STOML1: variants seen among roughly 807,000 people sequenced by gnomAD.
The protein encoded by STOML1 is stomatin-like protein 1.
Under a neutral mutation model 35.7 loss-of-function variants are expected in STOML1, and 27 were observed. That is an observed-to-expected ratio of 0.76 (90% confidence interval 0.56 to 1.04). STOML1 has a LOEUF of 1.04. STOML1 is among the 50% of genes least tolerant of loss of function. The pLI is 0.00. For synonymous variants in STOML1, 219 were observed against 227.9 expected, an observed-to-expected ratio of 0.96 and a Z score of 0.35; for missense variants, 451 against 527.1, an observed-to-expected ratio of 0.86 and a Z score of 1.41.
Position 73,979,286 on chromosome 15 carries a change from AG to A in STOML1, c.*4650del, listed in dbSNP as rs2068934537. ...ATGGGAATGTTTTGTATTTGATTGT[AG>A]GGGGTGGTGGTTACTCAGGTGTTCA... is the stretch of plus-strand genomic sequence containing the variant. On this transcript the variant is annotated 3_prime_UTR_variant, in exon 7 of 7. Coordinates refer to ENST00000541638, the MANE Select transcript of STOML1 (RefSeq NM_004809.5). The A allele has an allele frequency of 6.6e-6, 1 of 152,206 alleles. No homozygotes were observed. Among genetic ancestry groups the A allele is most frequent in the African/African-American group, 2.4e-5 (1 of 41,460 alleles). The allele number at this position is 152,206 out of a possible 1,614,324, so 9.4% of individuals were successfully genotyped here. A position where few individuals can be genotyped will look rare whatever the true frequency, so the allele number is the denominator to read the frequency against.
chr15:73,993,817 C>T (rs375941585), upstream of STOML1, among the ~76,000 whole-genome samples: 32 of 152,186 alleles, frequency 2.1e-4, no homozygotes, highest in South Asian at 1.0e-3. Context: ...TTTCCATTGG[C>T]GAAGACCTAG....
intron 2 of STOML1, chr15:73,990,045 C>A (rs1233315388): frequency 3.7e-6 from 1 of 270,194 alleles, no homozygotes; most frequent in East Asian, 8.5e-5. Flanking sequence ...CTAATTTATT[C>A]TAACCCAAAG....
chr15:73,991,354 G>T (rs560781742), intron 1 of STOML1, among the ~76,000 whole-genome samples: 20 of 152,210 alleles, frequency 1.3e-4, no homozygotes, highest in African/African-American at 4.8e-4. Context: ...GGAAGCAGTC[G>T]GGAGCCCTGC....
chr15:73,988,550 G>C lies in STOML1; in HGVS notation c.594+49C>G. 6.2e-7 allele frequency: 1 copy of C among 1,606,808 alleles called. No individual in the cohort carries two copies. Reference sequence around the variant, plus strand: ...TTCTCAAAGTGACCTGGCAGGTGGAGCCAGGCCGGTGCCACCCCTCAAGCT... The same window carrying C: ...TTCTCAAAGTGACCTGGCAGGTGGACCCAGGCCGGTGCCACCCCTCAAGCT... On this transcript the variant is annotated intron_variant, in intron 4 of 6. Coordinates refer to ENST00000541638, the MANE Select transcript of STOML1 (RefSeq NM_004809.5). The surrounding 1 kb of genome is among the most constrained non-coding windows in gnomAD (Gnocchi z 4.8).
At chr15:73,985,707 G>A in intron 4 of STOML1, 194 bp from the exon 5 acceptor site, 1 of 628,534 alleles carries the variant, frequency 1.6e-6, no homozygotes, top group South Asian at 2.5e-5. Flanking sequence ...CAAGGCCTGT[G>A]GTGAGCCCCC....
Position 73,992,269 on chromosome 15 carries a change from C to G in STOML1, c.-46G>C, listed in dbSNP as rs769811250. 1.9e-6 allele frequency: 3 copies of G among 1,564,384 alleles called. No individual in the cohort carries two copies. In the East Asian group the frequency reaches 7.7e-5, roughly 40 times the overall value. Reference sequence around the variant, plus strand: ...CCCCGCGCCTCCGCGCGGCGCCCTCCCTGGCCAGTGGGCCCTACGCGGCCC... The same window carrying G: ...CCCCGCGCCTCCGCGCGGCGCCCTCGCTGGCCAGTGGGCCCTACGCGGCCC... On this transcript the variant is annotated 5_prime_UTR_variant, in exon 1 of 7. Coordinates refer to ENST00000541638, the MANE Select transcript of STOML1 (RefSeq NM_004809.5).
rs2068996882 is a variant in STOML1, at chr15:73,983,746, C to T, written c.*191G>A. The T allele has an allele frequency of 3.4e-6, 2 of 592,918 alleles. No individual in the cohort carries two copies. The highest frequency in any genetic ancestry group is 6.2e-5 in the Admixed American group (2 of 32,284). 36.7% of individuals were successfully genotyped at this position (592,918 alleles called of 1,614,324 possible). ...GATGGACAAAGCCTTGTCCAGAGAA[C>T]CACTGTAGGGGAGACGTGCATGGCA... On this transcript the variant is annotated 3_prime_UTR_variant, in exon 7 of 7. Transcript: ENST00000541638.
In STOML1 at chr15:73,984,697, C is replaced by T; in HGVS notation, c.965G>A (p.Ser322Asn). The change falls in exon 6 of 7, where the codon AGC (serine) becomes AAC (asparagine). Residue 322 changes from serine (S) to asparagine (N), a missense_variant. Physicochemically the swap from Ser to Asn is conservative, Grantham distance 46. Transcript: ENST00000541638. ...ACYQFNVVLP[S>N]GTQSAYFLDL... ...CAGGAAGTAGGCGCTTTGGGTGCCG[C>T]TGGGCAGGACGACATTGAACTGGTA... is the stretch of plus-strand genomic sequence containing the variant. The T allele has an allele frequency of 6.2e-7, 1 of 1,614,138 alleles. No individual in the cohort carries two copies. The highest frequency in any genetic ancestry group is 8.5e-7 in the Non-Finnish European group (1 of 1,180,032).
chr15:73,985,374 T>G lies in STOML1; in HGVS notation c.734A>C (p.His245Pro). ...LDSTLQQLAL[H>P]FLGGSMNSMA... ...TGAGTTCATGCTTCCTCCCAGGAAGTGCAGGGCCAGCTGCTGGAGGGTGCT... is the reference window on the plus strand; with the variant it reads ...TGAGTTCATGCTTCCTCCCAGGAAGGGCAGGGCCAGCTGCTGGAGGGTGCT... Residue 245 changes from histidine to proline, a missense_variant, in exon 5 of 7, where the codon CAC becomes CCC. Coordinates refer to ENST00000541638, the MANE Select transcript of STOML1 (RefSeq NM_004809.5). 6.4e-7 allele frequency: 1 copy of G among 1,559,872 alleles called. No homozygotes were observed. Among genetic ancestry groups the G allele is most frequent in the East Asian group, 2.4e-5 (1 of 42,170 alleles).
chr15:73,990,147 A>G (rs2069224709), intron 2 of STOML1: 2 of 552,630 alleles, frequency 3.6e-6, no homozygotes, highest in Admixed American at 3.2e-5. Context: ...TCTACCCCCT[A>G]CTGGCTCCCA....
upstream of STOML1, chr15:73,994,547 T>G: frequency 1.8e-6 from 1 of 553,678 alleles, no homozygotes; most frequent in Non-Finnish European, 3.3e-6. Flanking sequence ...CTCTCCCGCT[T>G]TACCGTAAGT....
chr15:73,991,540 G>T, intron 1 of STOML1: 1 of 455,956 alleles, frequency 2.2e-6, no homozygotes, highest in Non-Finnish European at 4.4e-6. Flanking sequence ...GCTGAACAGC[G>T]TGGGATCTGG....
chr15:73,990,491 T>G (rs766719342), intron 1 of STOML1, 34 bp from the exon 2 acceptor site: 1 of 1,501,276 alleles, frequency 6.7e-7, no homozygotes, highest in Admixed American at 1.9e-5. Context: ...CAACTGGACC[T>G]GCACGACAGC....
At chr15:73,992,327 G>T (rs1434384989), upstream of STOML1, 2 of 1,309,976 alleles carry the variant, frequency 1.5e-6, no homozygotes, top group Middle Eastern at 2.8e-4. Context: ...GGCTTCACCC[G>T]CGCGGCCACC....
At position 73,983,657 on chromosome 15, in the gene STOML1, T is replaced by C. The variant is rs2068994854; in HGVS notation, c.*280A>G. 2.7e-6 allele frequency: 1 copy of C among 372,598 alleles called. No individual in the cohort carries two copies. Among genetic ancestry groups the C allele is most frequent in the Non-Finnish European group, 4.9e-6 (1 of 205,810 alleles). 23.1% of individuals were successfully genotyped at this position (372,598 alleles called of 1,614,324 possible). A position where few individuals can be genotyped will look rare whatever the true frequency, so the allele number is the denominator to read the frequency against. On this transcript the variant is annotated 3_prime_UTR_variant, in exon 7 of 7. Transcript: ENST00000541638. ...GGAAGCCAGCAGGGCAGGGCAGGCCTGGCTCTCCTCCTGGAATCACACCGT... is the reference window on the plus strand; with the variant it reads ...GGAAGCCAGCAGGGCAGGGCAGGCCCGGCTCTCCTCCTGGAATCACACCGT...
Sources: gnomAD v4.1 joint callset for allele counts (sites outside exome capture counted in the v4.1 genomes callset) on GRCh38, gnomAD v4.1.1 for gene constraint, Gnocchi (gnomAD v3.1) non-coding constraint, MANE v1.5 for transcripts, NCBI Gene and HGNC (gene_info 2026-07-23, HGNC 2026-07-21) for gene names.